POMK: variants seen among roughly 807,000 people sequenced by gnomAD.
POMK encodes Sugen kinase 196.
POMK carries 19 observed loss-of-function variants against 23.0 expected under a neutral mutation model. The ratio of observed to expected loss-of-function variants is 0.83; its 90% CI spans 0.58 to 1.21. The LOEUF (loss-of-function observed/expected upper bound fraction) is 1.21. Ranked by LOEUF, POMK falls within the 50% of genes most tolerant of loss-of-function variation. The pLI is 0.00. For missense variants in POMK, 410 were observed against 431.3 expected (o/e 0.95, Z 0.44); for synonymous variants, 173 against 171.6 (o/e 1.01, Z -0.06).
rs550304423 is a variant in POMK, at chr8:43,109,828, A to G, written c.282+5998A>G. The stretch of plus-strand genomic sequence containing the variant: ...AGTGTTGGTATAACAGGCGTGAGCC[A>G]CCACACCTGGCTTGCCATAAGGTAA... On this transcript the variant is annotated intron_variant, in intron 4 of 4. Coordinates refer to ENST00000331373, the MANE Select transcript of POMK (RefSeq NM_032237.5). Among the ~76,000 whole-genome samples, 16 of 152,318 alleles carry G rather than the reference A, an allele frequency of 1.1e-4. No individual in the cohort carries two copies. In the East Asian group the frequency reaches 1.9e-3, roughly 18 times the overall value.
chr8:43,095,190 C>G (rs928574995), intron 1 of POMK, among the ~76,000 whole-genome samples: 2 of 152,170 alleles, frequency 1.3e-5, no homozygotes, highest in African/African-American at 4.8e-5. Flanking sequence ...GGCCAGAAAA[C>G]TTGGCTCTTC....
chr8:43,103,807 G>C lies in POMK; in HGVS notation c.259G>C (p.Val87Leu), dbSNP rs758336306. The C allele has an allele frequency of 2.5e-6, 4 of 1,614,240 alleles. No individual in the cohort carries two copies. Among genetic ancestry groups the C allele is most frequent in the Non-Finnish European group, 3.4e-6 (4 of 1,180,042 alleles). ...AACAGAAGTGAGACAGCTGAAGCGT[G>C]TTGGGGAAGGAGCTGTAAAGAGAGT... ...LRTEVRQLKR[V>L]GEGAVKRVFL... The change falls in exon 4 of 5, where the codon GTT (valine) becomes CTT (leucine). Residue 87 changes from valine to leucine, a missense_variant. Val to Leu is a conservative substitution (Grantham distance 32). Transcript: ENST00000331373.
chr8:43,098,666 A>C (rs951912319), intron 2 of POMK, among the ~76,000 whole-genome samples: 1 of 152,186 alleles, frequency 6.6e-6, no homozygotes, highest in African/African-American at 2.4e-5. Context: ...GACTGTGCTT[A>C]ACCTTTTGAG....
intron 3 of POMK, among the ~76,000 whole-genome samples, chr8:43,102,903 C>CTG (rs1196218007): frequency 6.6e-6 from 1 of 152,212 alleles, no homozygotes; most frequent in East Asian, 1.9e-4. Context: ...AATCTCATCG[C>CTG]TGTTATTCTA....
intron 4 of POMK, among the ~76,000 whole-genome samples, chr8:43,114,704 G>A (rs916956808): frequency 1.6e-4 from 25 of 152,218 alleles, no homozygotes; most frequent in East Asian, 1.2e-3. Context: ...CTTCTGCGTC[G>A]CTCACGCTGG....
At chr8:43,099,794 G>A (rs1257857154) in intron 2 of POMK, among the ~76,000 whole-genome samples, 1 of 152,172 alleles carries the variant, frequency 6.6e-6, no homozygotes, top group East Asian at 1.9e-4. Flanking sequence ...GCAGGAACCT[G>A]GGGTGGGGCT....
At chr8:43,106,620 G>A (rs930771770) in intron 4 of POMK, among the ~76,000 whole-genome samples, 5 of 148,526 alleles carry the variant, frequency 3.4e-5, no homozygotes, top group African/African-American at 1.2e-4. Flanking sequence ...AGAGATTCTC[G>A]TGCCTCAGCC....
rs746739561 is a variant in POMK at position 43,103,748 on chromosome 8, A to G, written c.200A>G (p.Asn67Ser). 6.2e-7 allele frequency: 1 copy of G among 1,614,182 alleles called. No individual in the cohort carries two copies. The highest frequency in any genetic ancestry group is 8.5e-7 in the Non-Finnish European group (1 of 1,180,020). Residue 67 changes from asparagine (N) to serine (S), a missense_variant, in exon 4 of 5, where the codon AAC (asparagine) becomes AGC (serine). By Grantham distance (46) the Asn-to-Ser change is conservative (BLOSUM62 1). Coordinates refer to ENST00000331373, the MANE Select transcript of POMK (RefSeq NM_032237.5). The stretch of plus-strand genomic sequence containing the variant: ...CACTTCAGGATAGGACAGATGAAAA[A>G]CTGCTCACCTTGGCTGTCCTGCGAG... ...YGHFRIGQMK[N>S]CSPWLSCEEL...
intron 1 of POMK, among the ~76,000 whole-genome samples, chr8:43,094,473 C>T (rs933764946): frequency 1.3e-5 from 2 of 152,172 alleles, no homozygotes; most frequent in African/African-American, 2.4e-5. Context: ...TCATTGTTGC[C>T]AGGAGGTGTT....
intron 4 of POMK, among the ~76,000 whole-genome samples, chr8:43,113,507 T>G (rs1253062132): frequency 6.6e-6 from 1 of 152,200 alleles, no homozygotes; most frequent in Non-Finnish European, 1.5e-5. Flanking sequence ...TAGTTATACA[T>G]TCATCTAAAT....
At chr8:43,104,891 C>G (rs780426079) in intron 4 of POMK, among the ~76,000 whole-genome samples, 3 of 151,848 alleles carry the variant, frequency 2.0e-5, no homozygotes, top group Non-Finnish European at 4.4e-5. Flanking sequence ...ATGATCTTGC[C>G]ACTGCATTCC....
chr8:43,120,171 A>G (rs977531405), intron 4 of POMK, among the ~76,000 whole-genome samples: 14 of 151,840 alleles, frequency 9.2e-5, no homozygotes, highest in African/African-American at 3.4e-4. Context: ...AGTTGGAACA[A>G]TATTATACAA....
At chr8:43,103,324 AG>A (rs1474056172) in intron 3 of POMK, among the ~76,000 whole-genome samples, 1 of 152,196 alleles carries the variant, frequency 6.6e-6, no homozygotes, top group African/African-American at 2.4e-5. Context: ...CCCGCATTTT[AG>A]TTTGTAATAA....
rs1321835812 is a variant in POMK, at chr8:43,103,572, C to T, written c.24C>T (p.Ser8=). ...ACATGGAAAAGCAGCCCCAGAACAG[C>T]AGGAGAGGCCTCGCCCCCCGAGAGG... MEKQPQN[S]RRGLAPREVP... The change falls in exon 4 of 5, where the codon AGC becomes AGT. Residue 8 remains serine (S), a synonymous_variant. Transcript: ENST00000331373. 1.9e-6 allele frequency: 3 copies of T among 1,613,882 alleles called. No individual in the cohort carries two copies. The highest frequency in any genetic ancestry group is 1.6e-4 in the Middle Eastern group (1 of 6,062).
chr8:43,097,430 T>TA (rs1811356692), intron 1 of POMK, 94 bp from the exon 2 acceptor site: 1 of 152,022 alleles, frequency 6.6e-6, no homozygotes, highest in Admixed American at 6.5e-5. Context: ...TTAATTTCTT[T>TA]AAAAAAAGAT....
intron 1 of POMK, among the ~76,000 whole-genome samples, chr8:43,096,665 CCTT>C (rs1243877478): frequency 2.7e-5 from 4 of 150,720 alleles, no homozygotes; most frequent in Non-Finnish European, 5.9e-5. Flanking sequence ...GAGTGAGACT[CCTT>C]CTCAAAAAAA....
chr8:43,106,665 A>G (rs1044965329), intron 4 of POMK, among the ~76,000 whole-genome samples: 1 of 151,478 alleles, frequency 6.6e-6, no homozygotes, highest in Non-Finnish European at 1.5e-5. Flanking sequence ...GCCCACCACC[A>G]TGCCTGTATT....
chr8:43,105,822 C>T (rs180818065), intron 4 of POMK, among the ~76,000 whole-genome samples: 2,069 of 152,254 alleles, frequency 0.014, 139 homozygotes, highest in Admixed American at 0.11. Context: ...TGCCACCATG[C>T]CCGGCTAATT....
intron 2 of POMK, among the ~76,000 whole-genome samples, chr8:43,098,547 T>C (rs1811378389): frequency 6.6e-6 from 1 of 152,202 alleles, no homozygotes; most frequent in Non-Finnish European, 1.5e-5. Flanking sequence ...TTTCCACTGT[T>C]TGGCAGTTGT....
Sources: allele counts gnomAD v4.1 joint callset (sites outside exome capture counted in the v4.1 genomes callset), GRCh38; gene constraint gnomAD v4.1.1; transcripts MANE v1.5; gene names NCBI Gene and HGNC (gene_info 2026-07-23, HGNC 2026-07-21).